The following WDR19 variants were observed in gnomAD, a reference collection of about 807,000 sequenced individuals.
WDR19 encodes WD repeat-containing protein 19.
A neutral mutation model predicts 180.0 loss-of-function variants in WDR19; 121 were observed. The ratio of observed to expected loss-of-function variants is 0.67; its 90% CI spans 0.58 to 0.78. The LOEUF is 0.78. Among genes scored for constraint, WDR19 ranks in the 30% least tolerant of loss-of-function variants. WDR19 has a pLI of 0.00. For synonymous variants in WDR19, 497 were observed against 540.7 expected (o/e 0.92, Z 1.12); for missense variants, 1,450 against 1,640.7 (o/e 0.88, Z 2.01).
At chr4:39,218,517 A>G (rs995439989) in intron 14 of WDR19, 2 of 156,964 alleles carry the variant, frequency 1.3e-5, no homozygotes, top group Non-Finnish European at 2.8e-5. Flanking sequence ...TTAAAATGGC[A>G]TGCCTGTATA....
intron 1 of WDR19, among the ~76,000 whole-genome samples, chr4:39,184,175 G>A (rs1725270007): frequency 6.6e-6 from 1 of 152,124 alleles, no homozygotes; most frequent in African/African-American, 2.4e-5. Flanking sequence ...GGGACGCCGA[G>A]GCAGGTGGAT....
At chr4:39,284,291 A>G (rs562988379) in intron 36 of WDR19, among the ~76,000 whole-genome samples, 71 of 143,564 alleles carry the variant, frequency 4.9e-4, no homozygotes, top group African/African-American at 1.6e-3. Context: ...TTTGATCTAT[A>G]TTCTAGTTCA....
chr4:39,212,514 G>A (rs1043136434), intron 9 of WDR19, among the ~76,000 whole-genome samples: 10 of 152,132 alleles, frequency 6.6e-5, no homozygotes, highest in Admixed American at 3.3e-4. Context: ...AAAGATGGCC[G>A]GACGCGGTGC....
At chr4:39,266,534 T>C (rs1734814915) in intron 29 of WDR19, among the ~76,000 whole-genome samples, 1 of 152,200 alleles carries the variant, frequency 6.6e-6, no homozygotes, top group African/African-American at 2.4e-5. Flanking sequence ...GGATAACGTA[T>C]ATTCACTCTT....
rs781578023 is a variant in WDR19 at position 39,186,546 on chromosome 4, T to G, written c.106T>G (p.Tyr36Asp). Residue 36 changes from tyrosine (Y) to aspartate (D), a missense_variant, in exon 3 of 37, where the codon TAT (tyrosine) becomes GAT (aspartate). Coordinates refer to ENST00000399820, the MANE Select transcript of WDR19 (RefSeq NM_025132.4). ...GNYLAVTGAD[Y>D]IVKIFDRHGQ... ...TGTTCTGATTGCTTTCAGAGCTGAT[T>G]ATATTGTGAAAATCTTTGATCGCCA... 2.7e-5 allele frequency: 42 copies of G among 1,578,678 alleles called. No individual in the cohort carries two copies. The highest frequency in any genetic ancestry group is 3.5e-5 in the Non-Finnish European group (41 of 1,164,800).
At chr4:39,238,014 T>C (rs1731544931) in intron 20 of WDR19, 1 of 152,264 alleles carries the variant, frequency 6.6e-6, no homozygotes, top group Non-Finnish European at 1.5e-5. Flanking sequence ...TTGTTGTTTC[T>C]AACCCTTTCT....
chr4:39,237,008 T>C (rs1363551008), intron 20 of WDR19, among the ~76,000 whole-genome samples: 1 of 152,238 alleles, frequency 6.6e-6, no homozygotes, highest in Admixed American at 6.5e-5. Flanking sequence ...AAATGAATAA[T>C]TTATTTGCAA....
chr4:39,231,121 C>A (rs1451675386), intron 17 of WDR19, among the ~76,000 whole-genome samples: 1 of 151,988 alleles, frequency 6.6e-6, no homozygotes, highest in Non-Finnish European at 1.5e-5. Flanking sequence ...ACCATCCTGG[C>A]TAACACGATG....
chr4:39,191,206 A>G (rs2109254820), intron 4 of WDR19, among the ~76,000 whole-genome samples: 1 of 152,330 alleles, frequency 6.6e-6, no homozygotes, highest in East Asian at 1.9e-4. Flanking sequence ...ACAAAAGCAT[A>G]CCCACTGTTT....
At chr4:39,232,953 G>C (rs1731030900) in intron 19 of WDR19, among the ~76,000 whole-genome samples, 1 of 152,136 alleles carries the variant, frequency 6.6e-6, no homozygotes, top group South Asian at 2.1e-4. Context: ...ATCTAAATGT[G>C]TCCAAAGAGA....
At chr4:39,187,134 A>G (rs1725642206) in intron 3 of WDR19, among the ~76,000 whole-genome samples, 1 of 152,188 alleles carries the variant, frequency 6.6e-6, no homozygotes, top group Admixed American at 6.5e-5. Context: ...ATTAAGATGT[A>G]TAAAGGCTGT....
At chr4:39,183,061 G>A (rs1310624898) in intron 1 of WDR19, among the ~76,000 whole-genome samples, 1 of 152,026 alleles carries the variant, frequency 6.6e-6, no homozygotes, top group Non-Finnish European at 1.5e-5. Flanking sequence ...TATTACCTGT[G>A]ACCAGTCCAA....
chr4:39,263,148 C>T (rs1396567873), intron 28 of WDR19, among the ~76,000 whole-genome samples: 2 of 137,682 alleles, frequency 1.5e-5, no homozygotes, highest in African/African-American at 5.5e-5. Context: ...AAGTACGAGG[C>T]CCCTCACTGG....
chr4:39,253,072 C>G, intron 24 of WDR19, 74 bp from the exon 25 acceptor site: 2 of 1,437,126 alleles, frequency 1.4e-6, no homozygotes, highest in Non-Finnish European at 1.9e-6. Flanking sequence ...TTAAAAGTGT[C>G]CTAAACATTT....
chr4:39,270,092 C>T lies in WDR19; in HGVS notation c.3475C>T (p.Leu1159=), dbSNP rs1173326522. Reference sequence around the variant, plus strand: ...CCTCATGATTCTGCACAGCTATATACTAGTAAAGGTGAGGCCCATGGAGTG... The same window carrying T: ...CCTCATGATTCTGCACAGCTATATATTAGTAAAGGTGAGGCCCATGGAGTG... ...TNLMILHSYI[L]VKIHVKNGDH... Residue 1159 remains leucine (L), a synonymous_variant, in exon 31 of 37, where the codon CTA becomes TTA. Transcript: ENST00000399820. 1.2e-6 allele frequency: 2 copies of T among 1,613,796 alleles called. No individual in the cohort carries two copies. Among genetic ancestry groups the T allele is most frequent in the Non-Finnish European group, 1.7e-6 (2 of 1,179,838 alleles).
intron 24 of WDR19, among the ~76,000 whole-genome samples, chr4:39,248,615 G>A (rs1351745744): frequency 2.6e-5 from 4 of 152,142 alleles, no homozygotes; most frequent in African/African-American, 7.2e-5. Context: ...CCCATCTCAC[G>A]TGCAGAGACA....
At chr4:39,237,688 A>G (rs1364725511) in intron 20 of WDR19, 2 of 152,196 alleles carry the variant, frequency 1.3e-5, no homozygotes, top group Non-Finnish European at 2.9e-5. Context: ...AGTTTGCCAC[A>G]TTTCTGTTCC....
chr4:39,199,442 A>G (rs770519526), intron 5 of WDR19, 36 bp from the exon 6 acceptor site: 1 of 1,537,496 alleles, frequency 6.5e-7, no homozygotes, highest in South Asian at 1.2e-5. Context: ...TCTTTGAGAA[A>G]TCCACATGTC....
rs775011053 is a variant in WDR19 at position 39,228,733 on chromosome 4, T to G, written c.1982+43T>G. On this transcript the variant is annotated intron_variant, in intron 17 of 36. Transcript: ENST00000399820. ...TCTTTTGGAACTTCTCATTTGCTTT[T>G]GTGATTTTAAAGGTCAAATCCTATA... 1.1e-5 allele frequency: 16 copies of G among 1,491,600 alleles called. No individual in the cohort carries two copies. In the African/African-American group the frequency reaches 2.0e-4, roughly 18 times the overall value. The allele number at this position is 1,491,600 out of a possible 1,614,324, so 92.4% of individuals were successfully genotyped here.
Sources: gnomAD v4.1 joint callset for allele counts (sites outside exome capture counted in the v4.1 genomes callset) on GRCh38, gnomAD v4.1.1 for gene constraint, MANE v1.5 for transcripts, NCBI Gene and HGNC (gene_info 2026-07-23, HGNC 2026-07-21) for gene names.